ESR1: variants seen among roughly 807,000 people sequenced by gnomAD.
The protein encoded by ESR1 is estrogen receptor 1.
Under a neutral mutation model 52.7 loss-of-function variants are expected in ESR1, and 12 were observed. The observed-to-expected ratio is 0.23, with a 90% CI of 0.15 to 0.37. The LOEUF is 0.37. Ranked by LOEUF, ESR1 falls within the 10% of genes least tolerant of loss-of-function variation. The probability of loss-of-function intolerance (pLI) is 1.00; values close to 1 mark genes in which losing one functional copy is unlikely to be tolerated. For missense variants in ESR1, 584 were observed against 779.7 expected (o/e 0.75, Z 2.99); for synonymous variants, 305 against 316.8 (o/e 0.96, Z 0.39).
intron 2 of ESR1, among the ~76,000 whole-genome samples, chr6:151,746,735 T>C (rs980344360): frequency 6.6e-6 from 1 of 152,242 alleles, no homozygotes; most frequent in African/African-American, 2.4e-5. Flanking sequence ...AACTCTTTTA[T>C]ATAACGAACT....
chr6:152,122,678 T>G (rs374149130), intron 6 of ESR1: 2 of 1,613,758 alleles, frequency 1.2e-6, no homozygotes, highest in Non-Finnish European at 1.7e-6. Flanking sequence ...TTTGTGGACC[T>G]GAGAGAAGAA....
chr6:152,054,755 C>T (rs1263094442), intron 5 of ESR1, among the ~76,000 whole-genome samples: 1 of 152,180 alleles, frequency 6.6e-6, no homozygotes, highest in Non-Finnish European at 1.5e-5. Flanking sequence ...CTTCTCCCAC[C>T]TCTTGGCCTT....
intron 3 of ESR1, among the ~76,000 whole-genome samples, chr6:151,924,403 T>A (rs970177414): frequency 7.9e-5 from 12 of 151,674 alleles, no homozygotes; most frequent in African/African-American, 2.9e-4. Context: ...GCCAACTGTA[T>A]TTTTTTTAAT....
rs191842512 is a variant in ESR1, at chr6:152,042,935, T to C, written c.1236-18056T>C. Among the ~76,000 whole-genome samples the C allele has an allele frequency of 3.3e-5, 5 of 152,230 alleles. No homozygotes were observed. The East Asian group carries it at 9.7e-4, about 29-fold the overall frequency. ...CCACCTCAGGATCCAATTATTACCA[T>C]TGTATTTAAATTTTGTAGTTGAATG... is the stretch of plus-strand genomic sequence containing the variant. On this transcript the variant is annotated intron_variant, in intron 5 of 7. Coordinates refer to ENST00000206249, the MANE Select transcript of ESR1 (RefSeq NM_000125.4).
Position 152,100,826 on chromosome 6 carries a change from A to G in ESR1, c.*1860A>G. ...CTTAAATTTGGGGACAATTTTATGTATCTGTGTTAAGGATATGTTTAAGAA... is the reference window on the plus strand; with the variant it reads ...CTTAAATTTGGGGACAATTTTATGTGTCTGTGTTAAGGATATGTTTAAGAA... On this transcript the variant is annotated 3_prime_UTR_variant, in exon 8 of 8. Transcript: ENST00000206249. 8.8e-6 allele frequency: 2 copies of G among 228,398 alleles called. No individual in the cohort carries two copies. Among genetic ancestry groups the G allele is most frequent in the Non-Finnish European group, 1.7e-5 (2 of 115,078 alleles). 14.1% of individuals were successfully genotyped at this position (228,398 alleles called of 1,614,324 possible). A position where few individuals can be genotyped will look rare whatever the true frequency, so the allele number is the denominator to read the frequency against.
chr6:151,721,969 G>A (rs1781492292), intron 2 of ESR1, among the ~76,000 whole-genome samples: 1 of 152,222 alleles, frequency 6.6e-6, no homozygotes. Flanking sequence ...CTAGTCAAGT[G>A]ATACCAGGCA....
In ESR1 at chr6:151,991,773, G is replaced by C. The variant is rs183660036; in HGVS notation, c.1097-19883G>C. 6.5e-3 allele frequency among the ~76,000 whole-genome samples: 985 copies of C among 152,222 alleles called. 6 individuals carry two copies. The highest frequency in any genetic ancestry group is 0.023 in the African/African-American group (937 of 41,532). ...TGATTCTGCCTCTCCCCTTGTTTCT[G>C]CAGTGCTAAGTTGAGTGTAGTTCCC... On this transcript the variant is annotated intron_variant, in intron 4 of 7. Coordinates refer to ENST00000206249, the MANE Select transcript of ESR1 (RefSeq NM_000125.4).
At chr6:151,949,836 C>T (rs1447340913) in intron 4 of ESR1, among the ~76,000 whole-genome samples, 1 of 152,188 alleles carries the variant, frequency 6.6e-6, no homozygotes, top group African/African-American at 2.4e-5. Flanking sequence ...TTTAAAAATC[C>T]CTTTCTCATC....
chr6:151,841,026 A>C (rs1583594063), intron 1 of ESR1, among the ~76,000 whole-genome samples: 1 of 151,980 alleles, frequency 6.6e-6, no homozygotes, highest in Middle Eastern at 3.2e-3. Context: ...ATCTTCCTCT[A>C]CTTTCCTTAC....
At chr6:151,835,992 A>G (rs1484708194) in intron 1 of ESR1, among the ~76,000 whole-genome samples, 1 of 152,152 alleles carries the variant, frequency 6.6e-6, no homozygotes, top group Non-Finnish European at 1.5e-5. Flanking sequence ...AGAACGTTGT[A>G]CTTTATGACA....
intron 1 of ESR1, among the ~76,000 whole-genome samples, chr6:151,692,580 C>T (rs1019458815): frequency 2.6e-5 from 4 of 152,192 alleles, no homozygotes; most frequent in Non-Finnish European, 5.9e-5. Context: ...GTCCATCCAC[C>T]TCTATCAGGA....
At chr6:151,807,661 T>C (rs1778097239), upstream of ESR1, 7 of 593,804 alleles carry the variant, frequency 1.2e-5, no homozygotes, top group Non-Finnish European at 2.1e-5. Context: ...GTACTTAAAG[T>C]TGGAGGCCCG....
intron 4 of ESR1, among the ~76,000 whole-genome samples, chr6:151,969,907 A>C (rs1207630647): frequency 3.3e-5 from 5 of 150,942 alleles, no homozygotes; most frequent in Admixed American, 1.3e-4. Context: ...CTTTTAAAAC[A>C]CAACAAATTT....
chr6:152,014,396 G>T (rs149468189), intron 5 of ESR1, among the ~76,000 whole-genome samples: 44 of 152,124 alleles, frequency 2.9e-4, no homozygotes, highest in African/African-American at 1.0e-3. Flanking sequence ...TGTGTCAGGG[G>T]GTGGGGGAGG....
At chr6:151,780,837 TG>T (rs1311392459) in intron 2 of ESR1, among the ~76,000 whole-genome samples, 6 of 152,250 alleles carry the variant, frequency 3.9e-5, no homozygotes, top group Non-Finnish European at 8.8e-5. Flanking sequence ...AAACTGTTTT[TG>T]TCACTCTGTC....
chr6:151,767,500 G>GA (rs953285458), intron 2 of ESR1, among the ~76,000 whole-genome samples: 60 of 151,004 alleles, frequency 4.0e-4, no homozygotes, highest in African/African-American at 1.0e-3. Context: ...TGTGATAAAA[G>GA]AAAAAAAAGA....
rs3757323 is a variant in ESR1, at chr6:151,880,872, T to C, written c.760+101T>C. The C allele has an allele frequency of 0.57, 403,718 of 702,660 alleles. 123,149 individuals carry two copies. The highest frequency in any genetic ancestry group is 0.66 in the Middle Eastern group (1,698 of 2,568). The allele number at this position is 702,660 out of a possible 1,614,324, so 43.5% of individuals were successfully genotyped here. Reference sequence around the variant, plus strand: ...ACACCATGGGAATTTTGTGTTTTTTTCTTTTAATTGTTTTTTTTCTATTCT... The same window carrying C: ...ACACCATGGGAATTTTGTGTTTTTTCCTTTTAATTGTTTTTTTTCTATTCT... On this transcript the variant is annotated intron_variant, in intron 3 of 7. Coordinates refer to ENST00000206249, the MANE Select transcript of ESR1 (RefSeq NM_000125.4).
At chr6:151,776,272 A>G (rs1785983961) in intron 2 of ESR1, among the ~76,000 whole-genome samples, 1 of 152,182 alleles carries the variant, frequency 6.6e-6, no homozygotes, top group Non-Finnish European at 1.5e-5. Flanking sequence ...ACAGGCTGAA[A>G]TATTAGGAAA....
exon 7 of ESR1, chr6:152,128,357 C>G (rs1326972734): frequency 6.6e-6 from 1 of 152,170 alleles, no homozygotes; most frequent in Non-Finnish European, 1.5e-5. Context: ...TAGGGAATCT[C>G]TAGATTCTGA....
Sources: gnomAD v4.1 joint callset for allele counts (sites outside exome capture counted in the v4.1 genomes callset) on GRCh38, gnomAD v4.1.1 for gene constraint, MANE v1.5 for transcripts, NCBI Gene and HGNC (gene_info 2026-07-23, HGNC 2026-07-21) for gene names.